ADGRG4: variants seen among roughly 807,000 people sequenced by gnomAD.
The protein encoded by ADGRG4 is adhesion G protein-coupled receptor G4, also known as G protein-coupled receptor 112.
In ADGRG4, 122 loss-of-function variants were observed where a neutral mutation model predicts 126.2. That is an observed-to-expected ratio of 0.97 (90% CI 0.83 to 1.12). The LOEUF is 1.12. Among genes scored for constraint, ADGRG4 ranks in the 50% most tolerant of loss-of-function variants. The probability of loss-of-function intolerance (pLI) is 0.00; values close to 1 mark genes in which losing one functional copy is unlikely to be tolerated. For synonymous variants in ADGRG4, 943 were observed against 838.7 expected (o/e 1.12, Z -2.15); for missense variants, 2,481 against 2,251.8 (o/e 1.10, Z -2.06).
At chrX:136,343,821 G>A (rs1410436311) in intron 5 of ADGRG4, among the ~76,000 whole-genome samples, 1 of 111,503 alleles carries the variant, frequency 9.0e-6, no homozygotes, top group African/African-American at 3.3e-5. Context: ...TATAGGATAG[G>A]TGTTATTATA....
intron 23 of ADGRG4, among the ~76,000 whole-genome samples, chrX:136,412,000 G>C (rs181821166): frequency 3.5e-5 from 4 of 112,972 alleles, no homozygotes; most frequent in Non-Finnish European, 7.5e-5. Context: ...GGATCATTGA[G>C]AGCAATCTCA....
intron 21 of ADGRG4, among the ~76,000 whole-genome samples, chrX:136,400,768 A>T (rs2075375454): frequency 1.8e-5 from 2 of 112,244 alleles, no homozygotes; most frequent in Admixed American, 9.4e-5. Flanking sequence ...GACTGTGATG[A>T]TCACTGCTGG....
rs756282219 is a variant in ADGRG4, at chrX:136,345,906, C to G, written c.2200C>G (p.Pro734Ala). The G allele has an allele frequency of 8.3e-7, 1 of 1,209,539 alleles. No individual in the cohort carries two copies. Among genetic ancestry groups the G allele is most frequent in the East Asian group, 3.0e-5 (1 of 33,834 alleles). Reference protein sequence around the residue: ...YTTAVSKLTSPWFANFSIVSG... With the variant: ...YTTAVSKLTSAWFANFSIVSG... ...AACAGCTGTATCCAAATTGACATCA[C>G]CATGGTTTGCTAATTTCTCCATAGT... The change falls in exon 6 of 26, where the codon CCA becomes GCA. Residue 734 changes from proline to alanine, a missense_variant. Coordinates refer to ENST00000394143, the MANE Select transcript of ADGRG4 (RefSeq NM_153834.4).
intron 5 of ADGRG4, among the ~76,000 whole-genome samples, chrX:136,326,121 A>G (rs1394687969): frequency 8.9e-6 from 1 of 112,394 alleles, no homozygotes; most frequent in Non-Finnish European, 1.9e-5. Context: ...TCAAACAAAC[A>G]AAAAAAGGTA....
intron 23 of ADGRG4, among the ~76,000 whole-genome samples, chrX:136,410,658 G>A (rs894166330): frequency 1.8e-5 from 2 of 111,987 alleles, no homozygotes; most frequent in Non-Finnish European, 3.8e-5. Context: ...CTATGTTGTA[G>A]ATGGATGTGC....
At chrX:136,360,843 G>T (rs2075123837) in intron 11 of ADGRG4, among the ~76,000 whole-genome samples, 1 of 111,443 alleles carries the variant, frequency 9.0e-6, no homozygotes, top group African/African-American at 3.3e-5. Context: ...TTAAGAAGGG[G>T]GCCATTCCAG....
At chrX:136,381,917 T>C (rs932338644) in intron 15 of ADGRG4, among the ~76,000 whole-genome samples, 21 of 111,233 alleles carry the variant, frequency 1.9e-4, no homozygotes, top group African/African-American at 6.9e-4. Flanking sequence ...TTCATGTTTT[T>C]CTGCCTGCTT....
chrX:136,388,086 G>A (rs757849548), intron 16 of ADGRG4, among the ~76,000 whole-genome samples: 1 of 112,079 alleles, frequency 8.9e-6, no homozygotes, highest in South Asian at 3.7e-4. Context: ...CTCAGCTTTG[G>A]AAGGAAACTT....
intron 19 of ADGRG4, among the ~76,000 whole-genome samples, chrX:136,396,988 A>G (rs1021687563): frequency 1.8e-5 from 2 of 109,816 alleles, no homozygotes; most frequent in African/African-American, 6.7e-5. Context: ...ACGGGGTTTC[A>G]CCATTTTGGC....
At chrX:136,398,314 T>A (rs150416693) in intron 20 of ADGRG4, among the ~76,000 whole-genome samples, 1 of 112,291 alleles carries the variant, frequency 8.9e-6, no homozygotes, top group African/African-American at 3.2e-5. Flanking sequence ...ATTCAGATAG[T>A]GAAAGGCAAA....
intron 4 of ADGRG4, among the ~76,000 whole-genome samples, chrX:136,317,692 A>T (rs1022386849): frequency 1.8e-5 from 2 of 111,470 alleles, no homozygotes; most frequent in Non-Finnish European, 3.8e-5. Flanking sequence ...CATCTATCTG[A>T]TAAGGTTCTG....
chrX:136,345,446 A>C lies in ADGRG4; in HGVS notation c.1740A>C (p.Thr580=), dbSNP rs768911102. The part of the protein sequence containing the change: ...SVQTVIDAEA[T]RTALTPEITL... ...AGACAGTTATTGATGCTGAAGCTAC[A>C]CGTACAGCCTTAACTCCTGAAATCA... Residue 580 remains threonine (T), a synonymous_variant, in exon 6 of 26, where the codon ACA becomes ACC. Transcript: ENST00000394143. 1 of 1,209,773 alleles carries C rather than the reference A, an allele frequency of 8.3e-7. No homozygotes were observed. The highest frequency in any genetic ancestry group is 1.1e-6 in the Non-Finnish European group (1 of 893,914).
chrX:136,347,426 C>A lies in ADGRG4; in HGVS notation c.3720C>A (p.His1240Gln). The A allele has an allele frequency of 8.3e-7, 1 of 1,209,825 alleles. No homozygotes were observed. The highest frequency in any genetic ancestry group is 1.1e-6 in the Non-Finnish European group (1 of 893,606). The change falls in exon 6 of 26, where the codon CAC (histidine) becomes CAA (glutamine). Residue 1240 changes from histidine (H) to glutamine (Q), a missense_variant. By Grantham distance (24) the His-to-Gln change is conservative. Transcript: ENST00000394143. The stretch of plus-strand genomic sequence containing the variant: ...CTTCATCTGCCACATATCGTGTACA[C>A]ACACCAGTGTCCATCCAGTTGGTGA... ...HISSSATYRV[H>Q]TPVSIQLVTS...
intron 13 of ADGRG4, among the ~76,000 whole-genome samples, chrX:136,368,639 C>T (rs1022037602): frequency 8.9e-6 from 1 of 111,890 alleles, no homozygotes; most frequent in African/African-American, 3.2e-5. Context: ...CCCTCTCCTC[C>T]ATGGCTGAAT....
In ADGRG4 at chrX:136,389,567, G is replaced by T. The variant is rs776669636; in HGVS notation, c.7911+1693G>T. Reference sequence around the variant, plus strand: ...CTGCTTCAAATTCAGAGTTGAAAGGGCCCTCCTAACTCATATCATCCCATC... The same window carrying T: ...CTGCTTCAAATTCAGAGTTGAAAGGTCCCTCCTAACTCATATCATCCCATC... On this transcript the variant is annotated intron_variant, in intron 16 of 25. Coordinates refer to ENST00000394143, the MANE Select transcript of ADGRG4 (RefSeq NM_153834.4). Among the ~76,000 whole-genome samples the T allele has an allele frequency of 5.4e-5, 6 of 111,980 alleles. No homozygotes were observed. The South Asian group carries it at 2.3e-3, about 42-fold the overall frequency.
chrX:136,401,938 C>A (rs193076993), intron 21 of ADGRG4, among the ~76,000 whole-genome samples: 3 of 111,884 alleles, frequency 2.7e-5, no homozygotes, highest in Admixed American at 1.9e-4. Context: ...AGGCCTCCCA[C>A]CTTCTCAAAT....
chrX:136,338,199 C>G (rs1394648353), intron 5 of ADGRG4, among the ~76,000 whole-genome samples: 1 of 107,756 alleles, frequency 9.3e-6, no homozygotes, highest in Non-Finnish European at 1.9e-5. Flanking sequence ...GTTCTGTCGC[C>G]CAGGCTGGAG....
chrX:136,316,414 A>G (rs1451617356), intron 4 of ADGRG4, among the ~76,000 whole-genome samples: 1 of 111,183 alleles, frequency 9.0e-6, no homozygotes, highest in Non-Finnish European at 1.9e-5. Context: ...CAAACCATTC[A>G]GATTGTCTAT....
intron 4 of ADGRG4, among the ~76,000 whole-genome samples, chrX:136,313,415 T>A (rs2074785709): frequency 8.9e-6 from 1 of 112,705 alleles, no homozygotes; most frequent in Admixed American, 9.4e-5. Flanking sequence ...TTAAGCATTT[T>A]TTCATGTGTA....
Sources: gnomAD v4.1 joint callset for allele counts (sites outside exome capture counted in the v4.1 genomes callset) on GRCh38, gnomAD v4.1.1 for gene constraint, MANE v1.5 for transcripts, NCBI Gene and HGNC (gene_info 2026-07-23, HGNC 2026-07-21) for gene names.